Variants in ADAMTS6 observed in about 807,000 individuals in gnomAD.
ADAMTS6 encodes A disintegrin and metalloproteinase with thrombospondin motifs 6.
Under a neutral mutation model 144.3 loss-of-function variants are expected in ADAMTS6, and 23 were observed. The observed-to-expected ratio is 0.16, with a 90% CI of 0.11 to 0.23. ADAMTS6 has a LOEUF of 0.23. Ranked by LOEUF, ADAMTS6 falls within the 10% of genes least tolerant of loss-of-function variation. The pLI is 1.00. For synonymous variants in ADAMTS6, 444 were observed against 457.5 expected, an observed-to-expected ratio of 0.97 and a Z score of 0.38; for missense variants, 999 against 1,379.6, an observed-to-expected ratio of 0.72 and a Z score of 4.37.
rs1037891235 is a variant in ADAMTS6 at position 65,400,772 on chromosome 5, A to G, written c.1073+50703T>C. On this transcript the variant is annotated intron_variant, in intron 7 of 24. Coordinates refer to ENST00000381055, the MANE Select transcript of ADAMTS6 (RefSeq NM_197941.4). ...TGTTCTCTTAGTTTTTGAGATTTAG[A>G]GTCTTTTATTAATATATCCTCTAGC... Among the ~76,000 whole-genome samples, 4 of 151,816 alleles carry G rather than the reference A, an allele frequency of 2.6e-5. No homozygotes were observed. The East Asian group carries it at 7.7e-4, about 29-fold the overall frequency.
intron 7 of ADAMTS6, among the ~76,000 whole-genome samples, chr5:65,380,419 T>C (rs1751947971): frequency 6.6e-6 from 1 of 151,432 alleles, no homozygotes; most frequent in Non-Finnish European, 1.5e-5. Context: ...TAAAAAAAAA[T>C]ACAAAAATTA....
At chr5:65,172,434 T>G in intron 23 of ADAMTS6, among the ~76,000 whole-genome samples, 1 of 148,194 alleles carries the variant, frequency 6.7e-6, no homozygotes, top group Non-Finnish European at 1.5e-5. Flanking sequence ...AAAAAAAGAG[T>G]AATTATCTCT....
chr5:65,319,053 TTCA>T (rs1745282667), intron 9 of ADAMTS6, among the ~76,000 whole-genome samples: 2 of 152,018 alleles, frequency 1.3e-5, no homozygotes, highest in South Asian at 4.1e-4. Context: ...GTGAGACACA[TTCA>T]TCAAGGTAGA....
chr5:65,316,022 T>G (rs1580371921), intron 9 of ADAMTS6, among the ~76,000 whole-genome samples: 1 of 152,106 alleles, frequency 6.6e-6, no homozygotes, highest in Non-Finnish European at 1.5e-5. Flanking sequence ...GGCAATTCTC[T>G]TGCCTCAGCC....
intron 3 of ADAMTS6, among the ~76,000 whole-genome samples, chr5:65,469,899 C>T (rs1188356149): frequency 6.6e-6 from 1 of 152,138 alleles, no homozygotes; most frequent in Non-Finnish European, 1.5e-5. Flanking sequence ...TTCACAGATA[C>T]AGCTTTAATG....
At chr5:65,406,093 A>C (rs1754446937) in intron 7 of ADAMTS6, among the ~76,000 whole-genome samples, 3 of 151,998 alleles carry the variant, frequency 2.0e-5, no homozygotes, top group Non-Finnish European at 4.4e-5. Context: ...CATCTGCAAA[A>C]AGGGACAATT....
rs1762404760 is a variant in ADAMTS6, at chr5:65,275,371, GAAAGAAAGAA to G, written c.1513-1934_1513-1925del. On this transcript the variant is annotated intron_variant, in intron 11 of 24. Coordinates refer to ENST00000381055, the MANE Select transcript of ADAMTS6 (RefSeq NM_197941.4). ...GAAAGAAGAGAAAGAAAGAAAGAAA[GAAAGAAAGAA>G]AGAAAGAAAGAAAGAAAGAAAGAAA... Among the ~76,000 whole-genome samples, 5 of 113,188 alleles carry G rather than the reference GAAAGAAAGAA, an allele frequency of 4.4e-5. No homozygotes were observed. The South Asian group carries it at 1.5e-3, about 33-fold the overall frequency. The allele number at this position is 113,188 out of a possible 152,430, so 74.3% of individuals were successfully genotyped here. A position where few individuals can be genotyped will look rare whatever the true frequency, so the allele number is the denominator to read the frequency against.
rs1758811979 is a variant in ADAMTS6 at position 65,452,296 on chromosome 5, C to T, written c.844-80G>A. 6 of 1,236,642 alleles carry T rather than the reference C, an allele frequency of 4.9e-6. No homozygotes were observed. In the South Asian group the frequency reaches 5.1e-5, roughly 11 times the overall value. 76.6% of individuals were successfully genotyped at this position (1,236,642 alleles called of 1,614,324 possible). A position where few individuals can be genotyped will look rare whatever the true frequency, so the allele number is the denominator to read the frequency against. On this transcript the variant is annotated intron_variant, in intron 5 of 24. Transcript: ENST00000381055. The stretch of plus-strand genomic sequence containing the variant: ...TAGTTTGGTTTTTTAAGTGCTAAAA[C>T]AATTTTTTATAAATTTAGCCATTGT...
chr5:65,260,241 C>T (rs553795765), intron 14 of ADAMTS6, among the ~76,000 whole-genome samples: 155 of 151,662 alleles, frequency 1.0e-3, no homozygotes, highest in African/African-American at 3.7e-3. Flanking sequence ...TCTGGGGCTT[C>T]TTGCAGTGGC....
chr5:65,371,711 AG>A (rs1750939060), intron 7 of ADAMTS6, among the ~76,000 whole-genome samples: 2 of 152,204 alleles, frequency 1.3e-5, no homozygotes, highest in Non-Finnish European at 2.9e-5. Context: ...GATATTATCC[AG>A]GAGAACTTCC....
intron 7 of ADAMTS6, among the ~76,000 whole-genome samples, chr5:65,410,395 T>C (rs1222559474): frequency 6.6e-6 from 1 of 152,230 alleles, no homozygotes; most frequent in Non-Finnish European, 1.5e-5. Context: ...GCATTCTTTC[T>C]TTAATTGGCA....
rs758727365 is a variant in ADAMTS6, at chr5:65,291,430, G to A, written c.1411C>T (p.Arg471Cys). The change falls in exon 11 of 25, where the codon CGT becomes TGT. Residue 471 changes from arginine to cysteine, a missense_variant. Coordinates refer to ENST00000381055, the MANE Select transcript of ADAMTS6 (RefSeq NM_197941.4). ...GCCACAGCTGGATAAAGAAAGTCAC[G>A]CTTGGGAGGCTCATTATCAAGGCAA... ...GTCLDNEPPK[R>C]DFLYPAVAPG... The A allele has an allele frequency of 5.6e-6, 9 of 1,613,720 alleles. No individual in the cohort carries two copies. Among genetic ancestry groups the A allele is most frequent in the African/African-American group, 2.7e-5 (2 of 74,902 alleles).
At chr5:65,233,602 G>T (rs1326311138) in intron 15 of ADAMTS6, among the ~76,000 whole-genome samples, 1 of 151,540 alleles carries the variant, frequency 6.6e-6, no homozygotes, top group Admixed American at 6.6e-5. Flanking sequence ...AAAATACTTA[G>T]GTATAACACT....
chr5:65,224,228 T>C, intron 18 of ADAMTS6, 92 bp downstream of exon 18: 1 of 1,036,038 alleles, frequency 9.7e-7, no homozygotes, highest in South Asian at 1.3e-5. Flanking sequence ...GTGATCTACC[T>C]CAAAGAAGCA....
chr5:65,170,622 G>A lies in ADAMTS6; in HGVS notation c.3239C>T (p.Thr1080Ile), dbSNP rs757324131. The A allele has an allele frequency of 6.2e-7, 1 of 1,613,958 alleles. No individual in the cohort carries two copies. Among genetic ancestry groups the A allele is most frequent in the Non-Finnish European group, 8.5e-7 (1 of 1,179,968 alleles). Residue 1080 changes from threonine to isoleucine, a missense_variant, in exon 24 of 25, where the codon ACT (threonine) becomes ATT (isoleucine). Physicochemically the swap from Thr to Ile is moderately conservative, Grantham distance 89. Coordinates refer to ENST00000381055, the MANE Select transcript of ADAMTS6 (RefSeq NM_197941.4). ...SKCDSTPISN[T>I]EECKDVNKVA... is the part of the protein sequence containing the mutation. The stretch of plus-strand genomic sequence containing the variant: ...CTCCTCCATGGAAAACTCACCTTCA[G>A]TATTAGAAATGGGGGTACTGTCACA...
Position 65,291,436 on chromosome 5 carries a change from G to C in ADAMTS6, c.1405C>G (p.Pro469Ala). The change falls in exon 11 of 25, where the codon CCC becomes GCC. Residue 469 changes from proline (P) to alanine (A), a missense_variant. By Grantham distance (27) the Pro-to-Ala change is conservative. Transcript: ENST00000381055. ...GRGTCLDNEP[P>A]KRDFLYPAVA... ...GCTGGATAAAGAAAGTCACGCTTGG[G>C]AGGCTCATTATCAAGGCAAGTACCA... 1 of 1,613,920 alleles carries C rather than the reference G, an allele frequency of 6.2e-7. No homozygotes were observed. The highest frequency in any genetic ancestry group is 8.5e-7 in the Non-Finnish European group (1 of 1,179,894).
chr5:65,211,326 G>C (rs1406263873), intron 20 of ADAMTS6, among the ~76,000 whole-genome samples: 1 of 152,206 alleles, frequency 6.6e-6, no homozygotes, highest in African/African-American at 2.4e-5. Flanking sequence ...AGATGGCTGG[G>C]TGCAGTGGCT....
chr5:65,241,178 G>A (rs982680720), intron 15 of ADAMTS6, among the ~76,000 whole-genome samples: 1 of 149,008 alleles, frequency 6.7e-6, no homozygotes, highest in Non-Finnish European at 1.5e-5. Flanking sequence ...GTTAATATAA[G>A]ATACTGGAAA....
intron 7 of ADAMTS6, among the ~76,000 whole-genome samples, chr5:65,403,906 T>A (rs1056089373): frequency 6.6e-6 from 1 of 152,072 alleles, no homozygotes; most frequent in African/African-American, 2.4e-5. Context: ...ATCTTGTATG[T>A]TCACTCCTAT....
Sources: gnomAD v4.1 joint callset for allele counts (sites outside exome capture counted in the v4.1 genomes callset) on GRCh38, gnomAD v4.1.1 for gene constraint, MANE v1.5 for transcripts, NCBI Gene and HGNC (gene_info 2026-07-23, HGNC 2026-07-21) for gene names.